Variants in FRMD4B observed in about 807,000 individuals in gnomAD.
The protein encoded by FRMD4B is FERM domain-containing protein 4B.
A neutral mutation model predicts 141.5 loss-of-function variants in FRMD4B; 74 were observed. The ratio of observed to expected loss-of-function variants is 0.52; its 90% CI spans 0.43 to 0.63. The LOEUF is 0.63. Ranked by LOEUF, FRMD4B falls within the 30% of genes least tolerant of loss-of-function variation. The pLI, the probability that FRMD4B is intolerant of heterozygous loss-of-function variation, is 0.00. For missense variants in FRMD4B, 1,366 were observed against 1,253.4 expected (o/e 1.09, Z -1.36); for synonymous variants, 506 against 467.9 (o/e 1.08, Z -1.05).
intron 5 of FRMD4B, among the ~76,000 whole-genome samples, chr3:69,255,084 T>G (rs927383363): frequency 1.4e-4 from 21 of 152,300 alleles, no homozygotes; most frequent in African/African-American, 4.8e-4. Context: ...CTGGGACAAC[T>G]GGACTGTATA....
chr3:69,437,186 C>A (rs1053656367), intron 1 of FRMD4B, among the ~76,000 whole-genome samples: 1 of 152,104 alleles, frequency 6.6e-6, no homozygotes, highest in Non-Finnish European at 1.5e-5. Context: ...GACCCACCCA[C>A]CTCAGCCTCC....
At chr3:69,212,554 T>C (rs2093097141) in intron 11 of FRMD4B, among the ~76,000 whole-genome samples, 1 of 152,054 alleles carries the variant, frequency 6.6e-6, no homozygotes, top group Non-Finnish European at 1.5e-5. Flanking sequence ...GCAAAACTGA[T>C]TATGATCAGT....
At chr3:69,201,969 C>T (rs758610194) in intron 11 of FRMD4B, among the ~76,000 whole-genome samples, 11 of 152,020 alleles carry the variant, frequency 7.2e-5, no homozygotes, top group South Asian at 2.1e-4. Context: ...TTTGAGAGGC[C>T]GAGGCGGGTG....
At chr3:69,406,743 T>A (rs1200420432) in intron 2 of FRMD4B, among the ~76,000 whole-genome samples, 2 of 152,034 alleles carry the variant, frequency 1.3e-5, no homozygotes, top group Non-Finnish European at 2.9e-5. Flanking sequence ...GTTTTTGTTT[T>A]TTTTTTAGAG....
intron 2 of FRMD4B, among the ~76,000 whole-genome samples, chr3:69,420,733 G>A (rs927096718): frequency 2.6e-5 from 4 of 152,160 alleles, no homozygotes; most frequent in Admixed American, 2.0e-4. Context: ...AGCCTCCTGT[G>A]TGGATTTAAG....
At chr3:69,188,976 C>T (rs532722461) in intron 18 of FRMD4B, among the ~76,000 whole-genome samples, 9 of 151,996 alleles carry the variant, frequency 5.9e-5, no homozygotes, top group African/African-American at 1.9e-4. Flanking sequence ...AATCCTGGCA[C>T]TTTGGGAGGC....
intron 1 of FRMD4B, among the ~76,000 whole-genome samples, chr3:69,336,311 T>G (rs1008030642): frequency 6.6e-6 from 1 of 152,144 alleles, no homozygotes; most frequent in African/African-American, 2.4e-5. Flanking sequence ...CACCCGGCAA[T>G]CTGTGTGTTC....
At chr3:69,205,219 T>G (rs879866863) in intron 11 of FRMD4B, among the ~76,000 whole-genome samples, 1 of 149,722 alleles carries the variant, frequency 6.7e-6, no homozygotes, top group Non-Finnish European at 1.5e-5. Context: ...TAAGCTGGAG[T>G]ACAGTGGCAT....
chr3:69,517,858 T>C (rs1288988092), intron 1 of FRMD4B, among the ~76,000 whole-genome samples: 1 of 152,220 alleles, frequency 6.6e-6, no homozygotes, highest in African/African-American at 2.4e-5. Context: ...GCTGGCCTAG[T>C]GCAGTCGTTT....
At chr3:69,488,002 C>T (rs952196828) in intron 1 of FRMD4B, among the ~76,000 whole-genome samples, 1 of 148,162 alleles carries the variant, frequency 6.7e-6, no homozygotes, top group African/African-American at 2.5e-5. Context: ...ATCTCTTCAA[C>T]CAGATTACGT....
rs2092890610 is a variant in FRMD4B, at chr3:69,195,320, T to C, written c.1279A>G (p.Ile427Val). 1 of 1,613,200 alleles carries C rather than the reference T, an allele frequency of 6.2e-7. No individual in the cohort carries two copies. The highest frequency in any genetic ancestry group is 1.3e-5 in the African/African-American group (1 of 74,932). ...TTCTCCTTCTTCTTTAGTTCAAGGA[T>C]TTTTTCTCTCTTTTGCTCTTCACTA... The part of the protein sequence containing the change: ...EVSEEQKREK[I>V]LELKKKEKLL... The change falls in exon 15 of 23, where the codon ATC becomes GTC. Residue 427 changes from isoleucine to valine, a missense_variant. Ile to Val is a conservative substitution (Grantham distance 29). Coordinates refer to ENST00000398540, the MANE Select transcript of FRMD4B (RefSeq NM_015123.3).
chr3:69,321,303 G>C (rs756126460), intron 1 of FRMD4B, among the ~76,000 whole-genome samples: 3 of 152,178 alleles, frequency 2.0e-5, no homozygotes, highest in African/African-American at 7.2e-5. Context: ...TGCTTTAGTT[G>C]TTCTTTGGAA....
rs3749236 is a variant in FRMD4B at position 69,311,426 on chromosome 3, C to T, written c.229-69G>A. On this transcript the variant is annotated intron_variant, in intron 2 of 22. Transcript: ENST00000398540. ...CTCTTACTGCTACCACCTTCCTCTG[C>T]CCTAAATAATTTAAAGTAGCTTTTG... is the stretch of plus-strand genomic sequence containing the variant. The T allele has an allele frequency of 9.8e-3, 6,857 of 701,450 alleles. 256 individuals are homozygous for T. The highest frequency in any genetic ancestry group is 0.083 in the Admixed American group (3,323 of 39,866). The allele number at this position is 701,450 out of a possible 1,614,324, so 43.5% of individuals were successfully genotyped here. A position where few individuals can be genotyped will look rare whatever the true frequency, so the allele number is the denominator to read the frequency against.
intron 1 of FRMD4B, among the ~76,000 whole-genome samples, chr3:69,346,164 C>T (rs1030147366): frequency 1.3e-5 from 2 of 151,994 alleles, no homozygotes; most frequent in Admixed American, 1.3e-4. Flanking sequence ...AAAACCATGG[C>T]ACAAGAAATA....
intron 1 of FRMD4B, among the ~76,000 whole-genome samples, chr3:69,532,926 T>G (rs567940496): frequency 7.2e-5 from 11 of 152,338 alleles, no homozygotes; most frequent in African/African-American, 2.6e-4. Context: ...GGAGGGGCTG[T>G]GACGGGCCCC....
In FRMD4B at chr3:69,253,181, C is replaced by CTTTTTTTTTTTTTTTTTTTTTTTTTTTTT. The variant is rs781662739; in HGVS notation, c.502-3083_502-3082insAAAAAAAAAAAAAAAAAAAAAAAAAAAAA. Among the ~76,000 whole-genome samples the CTTTTTTTTTTTTTTTTTTTTTTTTTTTTT allele has an allele frequency of 1.6e-5, 2 of 121,952 alleles. 1 individual carries two copies. The allele number at this position is 121,952 out of a possible 152,430, so 80.0% of individuals were successfully genotyped here. A position where few individuals can be genotyped will look rare whatever the true frequency, so the allele number is the denominator to read the frequency against. ...AGGGAAATTAGTGAAAATATGATTCCTATTTTTTTTTTTTTTTTTTTTTGC... is the reference window on the plus strand; with the variant it reads ...AGGGAAATTAGTGAAAATATGATTCCTTTTTTTTTTTTTTTTTTTTTTTTTTTTTTATTTTTTTTTTTTTTTTTTTTTGC... On this transcript the variant is annotated intron_variant, in intron 5 of 22. Coordinates refer to ENST00000398540, the MANE Select transcript of FRMD4B (RefSeq NM_015123.3).
intron 5 of FRMD4B, among the ~76,000 whole-genome samples, chr3:69,278,566 C>A (rs578187489): frequency 6.6e-6 from 1 of 151,042 alleles, no homozygotes; most frequent in East Asian, 2.0e-4. Flanking sequence ...CAAAGTGTTG[C>A]GATTACAGGT....
intron 2 of FRMD4B, among the ~76,000 whole-genome samples, chr3:69,392,727 C>T (rs1704405752): frequency 6.6e-6 from 1 of 152,054 alleles, no homozygotes; most frequent in Non-Finnish European, 1.5e-5. Flanking sequence ...CTCTTGTGGC[C>T]TCTGGGAGGG....
chr3:69,283,593 C>T (rs953141794), intron 5 of FRMD4B, among the ~76,000 whole-genome samples: 2 of 152,150 alleles, frequency 1.3e-5, no homozygotes, highest in African/African-American at 4.8e-5. Context: ...TCATTCTAAC[C>T]ACCTTTGCAT....
Sources: gnomAD v4.1 joint callset for allele counts (sites outside exome capture counted in the v4.1 genomes callset) on GRCh38, gnomAD v4.1.1 for gene constraint, MANE v1.5 for transcripts, NCBI Gene and HGNC (gene_info 2026-07-23, HGNC 2026-07-21) for gene names.